The following FAT3 variants were observed in gnomAD, a reference collection of about 807,000 sequenced individuals.
FAT3 encodes FAT atypical cadherin 3.
A neutral mutation model predicts 310.2 loss-of-function variants in FAT3; 95 were observed. The ratio of observed to expected loss-of-function variants is 0.31; its 90% CI spans 0.26 to 0.36. The LOEUF (loss-of-function observed/expected upper bound fraction) is 0.36, where lower values mean the gene tolerates loss of function less well. FAT3 is among the 10% of genes least tolerant of loss of function. The pLI, the probability that FAT3 is intolerant of heterozygous loss-of-function variation, is 1.00. For synonymous variants in FAT3, 2,314 were observed against 2,192.9 expected, an observed-to-expected ratio of 1.06 and a Z score of -1.54; for missense variants, 5,408 against 5,715.6, an observed-to-expected ratio of 0.95 and a Z score of 1.74.
Position 92,866,842 on chromosome 11 carries a change from C to A in FAT3, c.11760C>A (p.Val3920=). 6.2e-7 allele frequency: 1 copy of A among 1,613,966 alleles called. No individual in the cohort carries two copies. Among genetic ancestry groups the A allele is most frequent in the South Asian group, 1.1e-5 (1 of 91,080 alleles). Residue 3920 remains valine (V), a synonymous_variant, in exon 22 of 28, where the codon GTC becomes GTA. Coordinates refer to ENST00000525166, the MANE Select transcript of FAT3 (RefSeq NM_001367949.2). ...TCAACGACGGGAGCTGGCACTCGGT[C>A]TTCCTGGAGCTCAACCGCAATTTCA... ...RAVNDGSWHS[V]FLELNRNFTS...
chr11:92,445,506 T>C (rs1477500169), intron 2 of FAT3, among the ~76,000 whole-genome samples: 1 of 152,112 alleles, frequency 6.6e-6, no homozygotes, highest in Non-Finnish European at 1.5e-5. Flanking sequence ...TTGAAGCACA[T>C]TACTCAGAGA....
intron 22 of FAT3, among the ~76,000 whole-genome samples, chr11:92,879,494 A>G (rs1949622761): frequency 6.6e-6 from 1 of 152,186 alleles, no homozygotes; most frequent in Non-Finnish European, 1.5e-5. Flanking sequence ...ATCAATATTC[A>G]GAAATAAGCA....
chr11:92,258,541 T>G (rs1865406451), intron 1 of FAT3, among the ~76,000 whole-genome samples: 1 of 152,018 alleles, frequency 6.6e-6, no homozygotes, highest in African/African-American at 2.4e-5. Context: ...GAGGGAGCTG[T>G]GTATGGTTTC....
At chr11:92,346,431 C>T (rs936477993) in intron 1 of FAT3, among the ~76,000 whole-genome samples, 2 of 152,256 alleles carry the variant, frequency 1.3e-5, no homozygotes, top group East Asian at 1.9e-4. Flanking sequence ...GGCCATGTCA[C>T]CATGCACAGG....
chr11:92,333,446 C>T lies in FAT3; in HGVS notation c.-17-18650C>T, dbSNP rs181543062. Among the ~76,000 whole-genome samples the T allele has an allele frequency of 6.0e-3, 909 of 152,220 alleles. 2 individuals carry two copies. Among genetic ancestry groups the T allele is most frequent in the Non-Finnish European group, 9.6e-3 (655 of 68,004 alleles). On this transcript the variant is annotated intron_variant, in intron 1 of 27. Transcript: ENST00000525166. ...ATTCAAGTAAAGCAGCAGCTGGCCC[C>T]GGGACCTGGGACCAAGAGGGAGGTT...
chr11:92,437,665 C>G (rs951779556), intron 2 of FAT3, among the ~76,000 whole-genome samples: 10 of 152,088 alleles, frequency 6.6e-5, no homozygotes, highest in African/African-American at 2.4e-4. Context: ...TTAGGATATT[C>G]CAGTAAAGAA....
chr11:92,429,346 G>C (rs1950712269), intron 2 of FAT3, among the ~76,000 whole-genome samples: 1 of 152,142 alleles, frequency 6.6e-6, no homozygotes, highest in African/African-American at 2.4e-5. Context: ...TTGCCAGTCT[G>C]TGTCTTTTAA....
At chr11:92,560,632 T>A (rs1258129280) in intron 3 of FAT3, among the ~76,000 whole-genome samples, 1 of 152,202 alleles carries the variant, frequency 6.6e-6, no homozygotes, top group Non-Finnish European at 1.5e-5. Flanking sequence ...ACATGGCTAT[T>A]TAAAACAATA....
In FAT3 at chr11:92,844,633, G is replaced by C; in HGVS notation, c.11266G>C (p.Gly3756Arg). 1 of 1,612,472 alleles carries C rather than the reference G, an allele frequency of 6.2e-7. No individual in the cohort carries two copies. The change falls in exon 19 of 28, where the codon GGC becomes CGC. Residue 3756 changes from glycine (G) to arginine (R), a missense_variant. Physicochemically the swap from Gly to Arg is moderately radical, Grantham distance 125. Around this residue, in one of 5 missense-constraint regions of FAT3, gnomAD observed 4,588 missense variants for 4,809.8 expected, o/e 0.95. Transcript: ENST00000525166. ...CTGTCAGGAACAGCATTGTGAGCAA[G>C]GCTTGTCACTCGATTCCCACGCGCT... The part of the protein sequence containing the change: ...LDCQEQHCEQ[G>R]LSLDSHALMT...
At chr11:92,881,593 T>A (rs993109619) in intron 23 of FAT3, among the ~76,000 whole-genome samples, 4 of 152,190 alleles carry the variant, frequency 2.6e-5, no homozygotes, top group African/African-American at 4.8e-5. Context: ...TCTGACTAAT[T>A]TCCGGCTGTC....
intron 4 of FAT3, among the ~76,000 whole-genome samples, chr11:92,712,419 G>A (rs1944554125): frequency 6.6e-6 from 1 of 152,064 alleles, no homozygotes; most frequent in African/African-American, 2.4e-5. Flanking sequence ...AAAATAATAT[G>A]CTTCTATAAA....
intron 4 of FAT3, among the ~76,000 whole-genome samples, chr11:92,716,361 G>T (rs1944687210): frequency 6.6e-6 from 1 of 151,956 alleles, no homozygotes; most frequent in South Asian, 2.1e-4. Context: ...CATCCTGCTA[G>T]CAACTGACTG....
At chr11:92,418,763 C>T (rs956823480) in intron 2 of FAT3, among the ~76,000 whole-genome samples, 2 of 152,078 alleles carry the variant, frequency 1.3e-5, no homozygotes, top group African/African-American at 4.8e-5. Flanking sequence ...TGCTTGGATT[C>T]TTTTCTGAAT....
In FAT3 at chr11:92,866,948, A is replaced by T. The variant is rs749543319; in HGVS notation, c.11866A>T (p.Ile3956Phe). Reference sequence around the variant, plus strand: ...CCAGACGCTGAGCACTGAGAGTAGCATCTACTTCGGCGCCCTGGTGCAAGC... The same window carrying T: ...CCAGACGCTGAGCACTGAGAGTAGCTTCTACTTCGGCGCCCTGGTGCAAGC... ...YFQTLSTESS[I>F]YFGALVQADN... The change falls in exon 22 of 28, where the codon ATC becomes TTC. Residue 3956 changes from isoleucine to phenylalanine, a missense_variant. Ile to Phe is a conservative substitution (Grantham distance 21, BLOSUM62 0). Coordinates refer to ENST00000525166, the MANE Select transcript of FAT3 (RefSeq NM_001367949.2). The T allele has an allele frequency of 8.1e-6, 13 of 1,613,604 alleles. No individual in the cohort carries two copies. Among genetic ancestry groups the T allele is most frequent in the Non-Finnish European group, 1.1e-5 (13 of 1,179,752 alleles).
At chr11:92,541,373 T>C (rs1267067903) in intron 3 of FAT3, among the ~76,000 whole-genome samples, 3 of 152,186 alleles carry the variant, frequency 2.0e-5, no homozygotes, top group African/African-American at 7.2e-5. Context: ...TTCTTATACC[T>C]TTCTGAAATT....
intron 3 of FAT3, among the ~76,000 whole-genome samples, chr11:92,537,216 A>G (rs971396834): frequency 1.3e-5 from 2 of 152,124 alleles, no homozygotes; most frequent in African/African-American, 4.8e-5. Flanking sequence ...GACCGTCTCT[A>G]TCTCTGACAG....
At position 92,891,432 on chromosome 11, in the gene FAT3, A is replaced by T; in HGVS notation, c.*319A>T. 1 of 378,110 alleles carries T rather than the reference A, an allele frequency of 2.6e-6. No individual in the cohort carries two copies. The highest frequency in any genetic ancestry group is 3.8e-5 in the Admixed American group (1 of 26,378). The allele number at this position is 378,110 out of a possible 1,614,324, so 23.4% of individuals were successfully genotyped here. A position where few individuals can be genotyped will look rare whatever the true frequency, so the allele number is the denominator to read the frequency against. ...CAGCCAGTCTTGTATGGCTTTGTGC[A>T]GTATTGTGCCCTGGAAAGTGTTACA... On this transcript the variant is annotated 3_prime_UTR_variant, in exon 28 of 28. Coordinates refer to ENST00000525166, the MANE Select transcript of FAT3 (RefSeq NM_001367949.2).
chr11:92,745,326 A>G (rs1244217628), intron 4 of FAT3, among the ~76,000 whole-genome samples: 1 of 152,174 alleles, frequency 6.6e-6, no homozygotes, highest in Non-Finnish European at 1.5e-5. Context: ...ATGATGTCAC[A>G]TCTTGGTTCA....
At chr11:92,866,627 C>A in intron 21 of FAT3, 114 bp from the exon 22 acceptor site, 3 of 902,760 alleles carry the variant, frequency 3.3e-6, no homozygotes, top group Middle Eastern at 2.3e-4. Flanking sequence ...GAGCAAAAGT[C>A]ATGTCCACAT....
Sources: allele counts gnomAD v4.1 joint callset (sites outside exome capture counted in the v4.1 genomes callset), GRCh38; gene constraint gnomAD v4.1.1; regional missense constraint gnomAD v4.1.1; transcripts MANE v1.5; gene names NCBI Gene and HGNC (gene_info 2026-07-23, HGNC 2026-07-21).